The following VSNL1 variants were observed in gnomAD, a reference collection of about 807,000 sequenced individuals.
VSNL1 encodes visinin like 1, also known as visinin-like protein 1.
In VSNL1, 6 loss-of-function variants were observed where a neutral mutation model predicts 20.4. The ratio of observed to expected loss-of-function variants is 0.29; its 90% CI spans 0.16 to 0.58. VSNL1 has a LOEUF of 0.58. VSNL1 is among the 20% of genes least tolerant of loss of function. The pLI is 0.90. For missense variants in VSNL1, 100 were observed against 234.5 expected (o/e 0.43, Z 3.75); for synonymous variants, 93 against 86.4 (o/e 1.08, Z -0.42).
intron 1 of VSNL1, among the ~76,000 whole-genome samples, chr2:17,590,390 G>T (rs993196869): frequency 4.6e-5 from 7 of 152,126 alleles, no homozygotes; most frequent in Non-Finnish European, 8.8e-5. Flanking sequence ...TCCACACCCA[G>T]CTGTGGAATT....
In VSNL1 at chr2:17,649,362, C is replaced by T. The variant is rs1178803690; in HGVS notation, c.163-48C>T. On this transcript the variant is annotated intron_variant, in intron 2 of 3. Coordinates refer to ENST00000295156, the MANE Select transcript of VSNL1 (RefSeq NM_003385.5). The surrounding 1 kb of genome is among the most constrained non-coding windows in gnomAD (Gnocchi z 6.4). ...TCATTAGGAACCTACCTCGTCGCCC[C>T]GATTCCATCCCCTCCCGACACCTGA... 23 of 1,590,036 alleles carry T rather than the reference C, an allele frequency of 1.4e-5. No homozygotes were observed. The highest frequency in any genetic ancestry group is 8.9e-5 in the East Asian group (4 of 44,734).
At chr2:17,604,527 G>A (rs568847614) in intron 2 of VSNL1, among the ~76,000 whole-genome samples, 32 of 152,320 alleles carry the variant, frequency 2.1e-4, no homozygotes, top group South Asian at 6.2e-4. Context: ...GCCACTTTCC[G>A]CAGAGAGAAG....
chr2:17,643,699 AACAAATGTTCCCT>A (rs745617312), intron 2 of VSNL1, among the ~76,000 whole-genome samples: 23 of 152,224 alleles, frequency 1.5e-4, no homozygotes, highest in Non-Finnish European at 3.4e-4. Context: ...TCACAATTGT[AACAAATGTTCCCT>A]ACAGTGACAT....
chr2:17,624,550 G>A (rs11891609), intron 2 of VSNL1, among the ~76,000 whole-genome samples: 344 of 152,300 alleles, frequency 2.3e-3, no homozygotes, highest in African/African-American at 7.2e-3. Context: ...AATCACAAGC[G>A]TCCTTAAAGT....
chr2:17,559,688 A>T (rs955902428), intron 1 of VSNL1, among the ~76,000 whole-genome samples: 2 of 152,174 alleles, frequency 1.3e-5, no homozygotes, highest in African/African-American at 4.8e-5. Flanking sequence ...ACTTACAAGA[A>T]TTTTAAAGTA....
At chr2:17,557,167 T>C (rs1663703700) in intron 1 of VSNL1, among the ~76,000 whole-genome samples, 1 of 152,192 alleles carries the variant, frequency 6.6e-6, no homozygotes, top group African/African-American at 2.4e-5. Flanking sequence ...CTATTTGAGG[T>C]GAAGAAATTG....
chr2:17,634,872 G>A lies in VSNL1; in HGVS notation c.163-14538G>A, dbSNP rs1390813671. On this transcript the variant is annotated intron_variant, in intron 2 of 3. Coordinates refer to ENST00000295156, the MANE Select transcript of VSNL1 (RefSeq NM_003385.5). The surrounding 1 kb of genome is among the most constrained non-coding windows in gnomAD (Gnocchi z 4.3). Reference sequence around the variant, plus strand: ...TCCTTGTCCCATGGGTCCCGCTGCAGGGAGTTACTGCTCCTGCTTGGTTCT... The same window carrying A: ...TCCTTGTCCCATGGGTCCCGCTGCAAGGAGTTACTGCTCCTGCTTGGTTCT... Among the ~76,000 whole-genome samples the A allele has an allele frequency of 6.6e-6, 1 of 152,150 alleles. No individual in the cohort carries two copies. The highest frequency in any genetic ancestry group is 1.5e-5 in the Non-Finnish European group (1 of 68,026).
chr2:17,545,256 G>A (rs565357901), intron 1 of VSNL1, among the ~76,000 whole-genome samples: 7 of 151,736 alleles, frequency 4.6e-5, no homozygotes, highest in East Asian at 3.9e-4. Flanking sequence ...TGTTAGTAAC[G>A]AAAAAAACTA....
chr2:17,596,189 C>A (rs1664706821), intron 2 of VSNL1, among the ~76,000 whole-genome samples: 1 of 152,122 alleles, frequency 6.6e-6, no homozygotes, highest in South Asian at 2.1e-4. Context: ...TAGAAAGATG[C>A]CTTCTGTCCC....
chr2:17,549,072 C>T (rs575303297), intron 1 of VSNL1, among the ~76,000 whole-genome samples: 1 of 152,330 alleles, frequency 6.6e-6, no homozygotes, highest in East Asian at 1.9e-4. Flanking sequence ...ACCTTTTCCC[C>T]CAAGGTGCCC....
At chr2:17,622,949 G>T (rs1665420258) in intron 2 of VSNL1, among the ~76,000 whole-genome samples, 1 of 151,706 alleles carries the variant, frequency 6.6e-6, no homozygotes, top group Non-Finnish European at 1.5e-5. Context: ...AACCACCCTG[G>T]GCAGGTTCCC....
At chr2:17,586,921 A>C (rs1368286971) in intron 1 of VSNL1, among the ~76,000 whole-genome samples, 1 of 152,202 alleles carries the variant, frequency 6.6e-6, no homozygotes, top group Non-Finnish European at 1.5e-5. Flanking sequence ...GCCAGTCTCT[A>C]CAAAGGCAAT....
chr2:17,551,896 T>TAAA (rs34475496), intron 1 of VSNL1, among the ~76,000 whole-genome samples: 85 of 116,764 alleles, frequency 7.3e-4, no homozygotes, highest in Admixed American at 1.7e-3. Context: ...GCAATTTTGT[T>TAAA]AAAAAAAAAA....
chr2:17,556,547 G>T (rs1219960146), intron 1 of VSNL1, among the ~76,000 whole-genome samples: 1 of 152,172 alleles, frequency 6.6e-6, no homozygotes, highest in Non-Finnish European at 1.5e-5. Flanking sequence ...CATAGTCCTT[G>T]TACAGATTAG....
chr2:17,621,240 CTTCT>C (rs933279917), intron 2 of VSNL1, among the ~76,000 whole-genome samples: 2 of 150,698 alleles, frequency 1.3e-5, no homozygotes, highest in Non-Finnish European at 3.0e-5. Flanking sequence ...TCTTTCTTTC[CTTCT>C]TTTTCTTTCT....
At chr2:17,549,054 T>G (rs1572324737) in intron 1 of VSNL1, among the ~76,000 whole-genome samples, 2 of 152,352 alleles carry the variant, frequency 1.3e-5, no homozygotes, top group Admixed American at 1.3e-4. Flanking sequence ...TATCCTCTTT[T>G]TTCCATTACC....
At chr2:17,612,023 C>T (rs1408504802) in intron 2 of VSNL1, among the ~76,000 whole-genome samples, 2 of 152,086 alleles carry the variant, frequency 1.3e-5, no homozygotes, top group African/African-American at 4.8e-5. Context: ...TGTCATTTGT[C>T]AGGGAGAGGA....
intron 2 of VSNL1, among the ~76,000 whole-genome samples, chr2:17,647,298 C>A (rs1199657097): frequency 6.6e-6 from 1 of 152,106 alleles, no homozygotes; most frequent in Non-Finnish European, 1.5e-5. Context: ...GTTTCGTGCC[C>A]ACTGGTCTCA....
chr2:17,622,755 A>G (rs1054389732), intron 2 of VSNL1, among the ~76,000 whole-genome samples: 20 of 152,184 alleles, frequency 1.3e-4, no homozygotes, highest in Non-Finnish European at 2.6e-4. Context: ...TGAAAAGGAA[A>G]AAGACATAAA....
Sources: gnomAD v4.1 joint callset for allele counts (sites outside exome capture counted in the v4.1 genomes callset) on GRCh38, gnomAD v4.1.1 for gene constraint, Gnocchi (gnomAD v3.1) non-coding constraint, MANE v1.5 for transcripts, NCBI Gene and HGNC (gene_info 2026-07-23, HGNC 2026-07-21) for gene names.